Variants in NUP155 observed in about 807,000 individuals in gnomAD.
The protein encoded by NUP155 is nucleoporin 155.
In NUP155, 71 loss-of-function variants were observed where a neutral mutation model predicts 180.4. The observed-to-expected ratio is 0.39, with a 90% CI of 0.33 to 0.48. The LOEUF (loss-of-function observed/expected upper bound fraction) is 0.48. Ranked by LOEUF, NUP155 falls within the 20% of genes least tolerant of loss-of-function variation. The pLI is 0.91. For missense variants in NUP155, 1,553 were observed against 1,648.9 expected (o/e 0.94, Z 1.01); for synonymous variants, 582 against 559.5 (o/e 1.04, Z -0.57).
chr5:37,356,119 C>T (rs201388186), intron 4 of NUP155, among the ~76,000 whole-genome samples: 1 of 150,904 alleles, frequency 6.6e-6, no homozygotes, highest in South Asian at 2.1e-4. Flanking sequence ...ATCCCAGCTA[C>T]TTGGGAGGCT....
Position 37,370,848 on chromosome 5 carries a change from A to G in NUP155, c.130T>C (p.Ser44Pro). ...GGGGCAGACACCATAAGCAGCTCGG[A>G]AAGGTCCGGGTACATGCGGTCCTCT... Reference protein sequence around the residue: ...LQEDRMYPDLSELLMVSAPNN... With the variant: ...LQEDRMYPDLPELLMVSAPNN... The change falls in exon 1 of 35, where the codon TCC becomes CCC. Residue 44 changes from serine (S) to proline (P), a missense_variant. Physicochemically the swap from Ser to Pro is moderately conservative, Grantham distance 74. Transcript: ENST00000231498. The G allele has an allele frequency of 6.2e-7, 1 of 1,614,184 alleles. No homozygotes were observed. The highest frequency in any genetic ancestry group is 1.1e-5 in the South Asian group (1 of 91,086).
Position 37,350,218 on chromosome 5 carries a change from T to C in NUP155, c.771A>G (p.Ser257=). The change falls in exon 7 of 35, where the codon TCA becomes TCG. Residue 257 remains serine (S), a synonymous_variant. Transcript: ENST00000231498. ...FSQRCRKINH[S]KSSLSFLVPS... is the part of the protein sequence containing the mutation. ...GAACAAGGAAAGAAAGTGAGCTCTT[T>C]GAGTGGTTTATTTTCCTACATCTTT... The C allele has an allele frequency of 3.7e-6, 6 of 1,613,824 alleles. No homozygotes were observed. The highest frequency in any genetic ancestry group is 2.2e-5 in the East Asian group (1 of 44,820).
chr5:37,303,198 G>A, intron 28 of NUP155, 62 bp downstream of exon 28: 3 of 1,568,886 alleles, frequency 1.9e-6, no homozygotes, highest in Non-Finnish European at 2.6e-6. Flanking sequence ...AAAGAAAACT[G>A]AATGTAAGTA....
In NUP155 at chr5:37,371,019, C is replaced by G. The variant is rs16903603; in HGVS notation, c.-42G>C. The G allele has an allele frequency of 1.4e-3, 2,256 of 1,601,642 alleles. 35 individuals are homozygous for G. The African/African-American group carries it at 0.026, about 18-fold the overall frequency. On this transcript the variant is annotated 5_prime_UTR_variant, in exon 1 of 35. Transcript: ENST00000231498. ...ACCAGGGTCCAGAAAAAGTCAAAAA[C>G]CAAGGAGAAACAAGAAAAGATCCAA...
intron 12 of NUP155, among the ~76,000 whole-genome samples, chr5:37,334,942 G>A (rs886941475): frequency 2.6e-5 from 4 of 152,006 alleles, no homozygotes; most frequent in African/African-American, 4.8e-5. Context: ...GGCGGTACCC[G>A]AGGTCAGGAG....
At chr5:37,324,491 A>T (rs1160204443) in intron 19 of NUP155, among the ~76,000 whole-genome samples, 1 of 152,148 alleles carries the variant, frequency 6.6e-6, no homozygotes, top group Non-Finnish European at 1.5e-5. Flanking sequence ...ACAAGTTTTT[A>T]GACTTCCATA....
Position 37,293,856 on chromosome 5 carries a change from G to A in NUP155, c.3930+473C>T, listed in dbSNP as rs971852079. 6.3e-5 allele frequency among the ~76,000 whole-genome samples: 7 copies of A among 110,472 alleles called. 2 individuals carry two copies. The highest frequency in any genetic ancestry group is 4.2e-4 in the East Asian group (2 of 4,748). 72.5% of individuals were successfully genotyped at this position (110,472 alleles called of 152,430 possible). A position where few individuals can be genotyped will look rare whatever the true frequency, so the allele number is the denominator to read the frequency against. ...CTACTAAAAATACAAAAAATTAGCCGGGCGCGGTGGCGGGCGCCTGTAGTC... is the reference window on the plus strand; with the variant it reads ...CTACTAAAAATACAAAAAATTAGCCAGGCGCGGTGGCGGGCGCCTGTAGTC... On this transcript the variant is annotated intron_variant, in intron 33 of 34. Transcript: ENST00000231498.
At chr5:37,349,539 C>T (rs938324470) in intron 7 of NUP155, among the ~76,000 whole-genome samples, 3 of 151,980 alleles carry the variant, frequency 2.0e-5, no homozygotes, top group Non-Finnish European at 4.4e-5. Context: ...AAAACAAATT[C>T]TAAGTTATTT....
chr5:37,315,861 A>G (rs1743850838), intron 21 of NUP155, among the ~76,000 whole-genome samples: 1 of 152,114 alleles, frequency 6.6e-6, no homozygotes, highest in African/African-American at 2.4e-5. Flanking sequence ...AATTGCTTGA[A>G]CCTGGGAGGT....
chr5:37,356,662 T>G (rs1485300233), intron 4 of NUP155, among the ~76,000 whole-genome samples: 2 of 151,364 alleles, frequency 1.3e-5, no homozygotes, highest in Non-Finnish European at 2.9e-5. Context: ...AAAGGTACAT[T>G]TAAAGGATAT....
chr5:37,330,649 G>A (rs926760292), intron 14 of NUP155, among the ~76,000 whole-genome samples: 3 of 152,050 alleles, frequency 2.0e-5, no homozygotes, highest in African/African-American at 7.2e-5. Flanking sequence ...AATTTTAACC[G>A]TATCAATTCC....
Position 37,337,899 on chromosome 5 carries a change from G to C in NUP155, c.1266C>G (p.Ala422=). ...AAATATCATTATCCTCATTTTCTGAGGCTGCCATCAATAGAATACCTAAAA... is the reference window on the plus strand; with the variant it reads ...AAATATCATTATCCTCATTTTCTGACGCTGCCATCAATAGAATACCTAAAA... ...LYSKGILLMA[A]SENEDNDILW... is the part of the protein sequence containing the mutation. Residue 422 remains alanine (A), a synonymous_variant, in exon 12 of 35, where the codon GCC becomes GCG. Coordinates refer to ENST00000231498, the MANE Select transcript of NUP155 (RefSeq NM_153485.3). The C allele has an allele frequency of 6.2e-7, 1 of 1,606,534 alleles. No individual in the cohort carries two copies. Among genetic ancestry groups the C allele is most frequent in the Non-Finnish European group, 8.5e-7 (1 of 1,174,920 alleles).
At chr5:37,313,484 T>G (rs1743660186) in intron 22 of NUP155, among the ~76,000 whole-genome samples, 1 of 148,132 alleles carries the variant, frequency 6.8e-6, no homozygotes, top group South Asian at 2.1e-4. Flanking sequence ...TGTGTGTGTG[T>G]GTGTGTGTGT....
Position 37,329,993 on chromosome 5 carries a change from C to T in NUP155, c.1724+45G>A, listed in dbSNP as rs371020359. 2.6e-5 allele frequency: 34 copies of T among 1,329,440 alleles called. No homozygotes were observed. The African/African-American group carries it at 4.5e-4, about 18-fold the overall frequency. The allele number at this position is 1,329,440 out of a possible 1,614,324, so 82.4% of individuals were successfully genotyped here. Reference sequence around the variant, plus strand: ...TTGATAAAATCATTTTAAAAAGTGGCCCAGTAAAAAAACAAATAAATAAAC... The same window carrying T: ...TTGATAAAATCATTTTAAAAAGTGGTCCAGTAAAAAAACAAATAAATAAAC... On this transcript the variant is annotated intron_variant, in intron 15 of 34. Coordinates refer to ENST00000231498, the MANE Select transcript of NUP155 (RefSeq NM_153485.3).
chr5:37,369,639 G>A (rs79647226), intron 1 of NUP155, among the ~76,000 whole-genome samples: 24,486 of 151,796 alleles, frequency 0.16, 2,017 homozygotes, highest in South Asian at 0.2. Context: ...TATAAGACAC[G>A]CTCATTGGTA....
At chr5:37,346,084 A>C (rs1169355127) in intron 9 of NUP155, among the ~76,000 whole-genome samples, 1 of 152,038 alleles carries the variant, frequency 6.6e-6, no homozygotes. Context: ...ACAAAACAAA[A>C]AGGCTGAGCA....
chr5:37,362,944 G>A (rs146468141), intron 3 of NUP155, among the ~76,000 whole-genome samples: 8 of 152,090 alleles, frequency 5.3e-5, no homozygotes, highest in East Asian at 3.9e-4. Flanking sequence ...ATGGAGTCTC[G>A]CTCTGTCACT....
chr5:37,290,056 A>G lies in NUP155; in HGVS notation c.*1844T>C, dbSNP rs1742167952. ...AATTCTAAGAGAACAAATGTAGAGAAGGCAACCCTATGGTCTTGGGAAAAG... is the reference window on the plus strand; with the variant it reads ...AATTCTAAGAGAACAAATGTAGAGAGGGCAACCCTATGGTCTTGGGAAAAG... On this transcript the variant is annotated 3_prime_UTR_variant, in exon 35 of 35. Coordinates refer to ENST00000231498, the MANE Select transcript of NUP155 (RefSeq NM_153485.3). 1.3e-5 allele frequency: 2 copies of G among 152,226 alleles called. No homozygotes were observed. The highest frequency in any genetic ancestry group is 4.8e-5 in the African/African-American group (2 of 41,466). The allele number at this position is 152,226 out of a possible 1,614,324, so 9.4% of individuals were successfully genotyped here. A position where few individuals can be genotyped will look rare whatever the true frequency, so the allele number is the denominator to read the frequency against.
rs967419625 is a variant in NUP155 at position 37,289,774 on chromosome 5, G to C, written c.*2126C>G. ...TAAATGTGCTTAAAACAAAAATGAA[G>C]TTCTTATCTCTAGCAGAACTGGAGT... is the stretch of plus-strand genomic sequence containing the variant. On this transcript the variant is annotated 3_prime_UTR_variant, in exon 35 of 35. Transcript: ENST00000231498. 3.3e-5 allele frequency: 5 copies of C among 152,126 alleles called. 1 individual carries two copies. The highest frequency in any genetic ancestry group is 7.4e-5 in the Non-Finnish European group (5 of 68,016). 9.4% of individuals were successfully genotyped at this position (152,126 alleles called of 1,614,324 possible).
Sources: gnomAD v4.1 joint callset for allele counts (sites outside exome capture counted in the v4.1 genomes callset) on GRCh38, gnomAD v4.1.1 for gene constraint, MANE v1.5 for transcripts, NCBI Gene and HGNC (gene_info 2026-07-23, HGNC 2026-07-21) for gene names.